Variants in MAGI3 observed in about 807,000 individuals in gnomAD.
MAGI3 encodes the protein membrane-associated guanylate kinase, WW and PDZ domain-containing protein 3.
Under a neutral mutation model 121.8 loss-of-function variants are expected in MAGI3, and 43 were observed. The ratio of observed to expected loss-of-function variants is 0.35; its 90% CI spans 0.28 to 0.46. MAGI3 has a LOEUF of 0.46. Among genes scored for constraint, MAGI3 ranks in the 20% least tolerant of loss-of-function variants. The pLI, the probability that MAGI3 is intolerant of heterozygous loss-of-function variation, is 1.00. For missense variants in MAGI3, 1,547 were observed against 1,797.3 expected (o/e 0.86, Z 2.52); for synonymous variants, 553 against 639.3 (o/e 0.86, Z 2.04).
intron 6 of MAGI3, among the ~76,000 whole-genome samples, chr1:113,604,377 G>A (rs1432569948): frequency 6.6e-6 from 1 of 151,712 alleles, no homozygotes; most frequent in Non-Finnish European, 1.5e-5. Flanking sequence ...GACCATCCTG[G>A]CCAATATGGT....
intron 6 of MAGI3, among the ~76,000 whole-genome samples, chr1:113,608,891 T>C (rs751589346): frequency 3.9e-5 from 6 of 152,152 alleles, no homozygotes; most frequent in Non-Finnish European, 7.4e-5. Flanking sequence ...TAATTATTAA[T>C]AGTATCCCCT....
chr1:113,568,716 T>C lies in MAGI3; in HGVS notation c.434-11826T>C, dbSNP rs144661044. On this transcript the variant is annotated intron_variant, in intron 2 of 20. Transcript: ENST00000307546. ...GGGAAATTAATGACTTTTAATAAAT[T>C]ATTTTGAGTAGTCATTTGGAAAAAA... Among the ~76,000 whole-genome samples the C allele has an allele frequency of 8.9e-4, 136 of 152,206 alleles. 1 individual carries two copies. Among genetic ancestry groups the C allele is most frequent in the African/African-American group, 3.2e-3 (134 of 41,576 alleles).
rs538629306 is a variant in MAGI3 at position 113,462,523 on chromosome 1, G to A, written c.316+71174G>A. On this transcript the variant is annotated intron_variant, in intron 1 of 20. Transcript: ENST00000307546. The stretch of plus-strand genomic sequence containing the variant: ...AGCTAAATGATAAGAACCTACAAAC[G>A]AAGAAAACAACAGACACTGGGGGCT... 3.9e-5 allele frequency among the ~76,000 whole-genome samples: 6 copies of A among 152,046 alleles called. No homozygotes were observed. In the East Asian group the frequency reaches 9.6e-4, roughly 24 times the overall value.
intron 2 of MAGI3, among the ~76,000 whole-genome samples, chr1:113,566,105 A>G (rs1356549156): frequency 6.6e-6 from 1 of 152,234 alleles, no homozygotes; most frequent in Non-Finnish European, 1.5e-5. Context: ...CCTACTTAGT[A>G]ACATAAATCA....
chr1:113,503,309 G>GAA (rs59331456), intron 1 of MAGI3, among the ~76,000 whole-genome samples: 1,113 of 36,162 alleles, frequency 0.031, 77 homozygotes, highest in Non-Finnish European at 0.038. Context: ...CCTGTCTCAG[G>GAA]AAAAAAAAAA....
At chr1:113,433,135 C>T (rs999386414) in intron 1 of MAGI3, among the ~76,000 whole-genome samples, 2 of 151,958 alleles carry the variant, frequency 1.3e-5, no homozygotes, top group Non-Finnish European at 2.9e-5. Context: ...AGCATAATTT[C>T]CTCTATTAAT....
At chr1:113,428,028 C>T (rs946520867) in intron 1 of MAGI3, among the ~76,000 whole-genome samples, 1 of 151,914 alleles carries the variant, frequency 6.6e-6, no homozygotes, top group African/African-American at 2.4e-5. Context: ...GTGTGTGTCC[C>T]CATTCCTCAT....
intron 1 of MAGI3, among the ~76,000 whole-genome samples, chr1:113,487,809 T>C (rs1379549195): frequency 3.9e-5 from 6 of 152,124 alleles, no homozygotes; most frequent in African/African-American, 7.2e-5. Context: ...TGCATTCTGC[T>C]TCAAATTAGT....
At chr1:113,552,930 T>C (rs1273917760) in intron 2 of MAGI3, among the ~76,000 whole-genome samples, 1 of 152,178 alleles carries the variant, frequency 6.6e-6, no homozygotes, top group Admixed American at 6.5e-5. Flanking sequence ...ACAAGGAAAG[T>C]ACAAGATGAG....
At chr1:113,490,350 C>T (rs372845243) in intron 1 of MAGI3, among the ~76,000 whole-genome samples, 53 of 152,302 alleles carry the variant, frequency 3.5e-4, no homozygotes, top group African/African-American at 1.2e-3. Context: ...GAATTCATTA[C>T]TACCAGACCT....
chr1:113,431,101 G>T (rs907973236), intron 1 of MAGI3, among the ~76,000 whole-genome samples: 2 of 152,070 alleles, frequency 1.3e-5, no homozygotes, highest in Non-Finnish European at 2.9e-5. Context: ...CTGGAAACTT[G>T]GAGTAAAAAG....
chr1:113,629,880 A>C (rs1651512920), intron 9 of MAGI3, among the ~76,000 whole-genome samples: 1 of 148,490 alleles, frequency 6.7e-6, no homozygotes, highest in Non-Finnish European at 1.5e-5. Context: ...CACCACTGGG[A>C]CTGCGCTGGG....
intron 1 of MAGI3, among the ~76,000 whole-genome samples, chr1:113,428,491 A>T (rs887479826): frequency 1.3e-5 from 2 of 152,146 alleles, no homozygotes; most frequent in Admixed American, 6.5e-5. Flanking sequence ...AACTGGTCCA[A>T]CTCTTTCTGA....
At chr1:113,509,225 A>C (rs1448947811) in intron 1 of MAGI3, among the ~76,000 whole-genome samples, 1 of 152,232 alleles carries the variant, frequency 6.6e-6, no homozygotes, top group South Asian at 2.1e-4. Context: ...GTTTAAAAAA[A>C]CCCCACTAAC....
intron 6 of MAGI3, among the ~76,000 whole-genome samples, chr1:113,602,593 A>G (rs1557846689): frequency 6.6e-6 from 1 of 152,224 alleles, no homozygotes; most frequent in Non-Finnish European, 1.5e-5. Flanking sequence ...GTGGAATAAA[A>G]GAAATAACAG....
chr1:113,654,715 T>C (rs551104562), intron 15 of MAGI3, among the ~76,000 whole-genome samples: 1 of 152,144 alleles, frequency 6.6e-6, no homozygotes, highest in African/African-American at 2.4e-5. Flanking sequence ...AAATGAAATA[T>C]TTGTCTTGAT....
chr1:113,664,284 G>T (rs892129722), intron 16 of MAGI3, among the ~76,000 whole-genome samples: 3 of 152,160 alleles, frequency 2.0e-5, no homozygotes, highest in Non-Finnish European at 4.4e-5. Context: ...ATTGCTGGGT[G>T]ACCATAATTG....
At chr1:113,531,744 G>C (rs1658737103) in intron 1 of MAGI3, among the ~76,000 whole-genome samples, 2 of 150,836 alleles carry the variant, frequency 1.3e-5, no homozygotes, top group Admixed American at 6.6e-5. Flanking sequence ...GCTGGGGCGG[G>C]GACAGGGTAC....
chr1:113,682,066 G>A, intron 20 of MAGI3: 1 of 695,120 alleles, frequency 1.4e-6, no homozygotes, highest in Non-Finnish European at 2.0e-6. Flanking sequence ...ACCTCCTACA[G>A]TACCCTTCCA....
Sources: gnomAD v4.1 joint callset for allele counts (sites outside exome capture counted in the v4.1 genomes callset) on GRCh38, gnomAD v4.1.1 for gene constraint, MANE v1.5 for transcripts, NCBI Gene and HGNC (gene_info 2026-07-23, HGNC 2026-07-21) for gene names.